Variants in HIVEP1 observed in about 807,000 individuals in gnomAD.
The protein encoded by HIVEP1 is zinc finger protein 40.
Under a neutral mutation model 180.0 loss-of-function variants are expected in HIVEP1, and 36 were observed. The ratio of observed to expected loss-of-function variants is 0.20; its 90% CI spans 0.15 to 0.26. The LOEUF (loss-of-function observed/expected upper bound fraction) is 0.26. HIVEP1 is among the 10% of genes least tolerant of loss of function. The pLI, the probability that HIVEP1 is intolerant of heterozygous loss-of-function variation, is 1.00. For synonymous variants in HIVEP1, 1,239 were observed against 1,239.0 expected, an observed-to-expected ratio of 1.00 and a Z score of 0.00; for missense variants, 3,143 against 3,268.7, an observed-to-expected ratio of 0.96 and a Z score of 0.94.
intron 2 of HIVEP1, among the ~76,000 whole-genome samples, chr6:12,041,309 T>C (rs1212639884): frequency 2.6e-5 from 4 of 151,090 alleles, no homozygotes; most frequent in Non-Finnish European, 4.4e-5. Context: ...GTAGTCCCAG[T>C]TACTTGGGAG....
chr6:12,073,795 G>T (rs1484615626), intron 2 of HIVEP1, among the ~76,000 whole-genome samples: 1 of 152,174 alleles, frequency 6.6e-6, no homozygotes, highest in Non-Finnish European at 1.5e-5. Flanking sequence ...TTGCCATCCA[G>T]ATTTTCATCA....
chr6:12,022,090 T>A (rs1262300417), intron 2 of HIVEP1, among the ~76,000 whole-genome samples: 1 of 152,254 alleles, frequency 6.6e-6, no homozygotes, highest in Non-Finnish European at 1.5e-5. Context: ...GATTAAAAAC[T>A]TGTGATAATT....
chr6:12,124,711 G>A lies in HIVEP1; in HGVS notation c.4916G>A (p.Arg1639His), dbSNP rs547385569. ...KVPSSFMLPIRLQSSVPAYCF... is the reference protein window; with the variant it reads ...KVPSSFMLPIHLQSSVPAYCF... The stretch of plus-strand genomic sequence containing the variant: ...CCATCATCATTCATGCTGCCCATAC[G>A]CCTGCAGAGTAGTGTTCCTGCTTAC... Residue 1639 changes from arginine (R) to histidine (H), a missense_variant, in exon 4 of 9, where the codon CGC (arginine) becomes CAC (histidine). This residue lies in a region of HIVEP1 where 1,357 missense variants were observed against 1,260.5 expected (regional missense o/e 1.08). Coordinates refer to ENST00000379388, the MANE Select transcript of HIVEP1 (RefSeq NM_002114.4). 20 of 1,614,104 alleles carry A rather than the reference G, an allele frequency of 1.2e-5. No homozygotes were observed. The highest frequency in any genetic ancestry group is 4.4e-5 in the South Asian group (4 of 91,078).
intron 7 of HIVEP1, among the ~76,000 whole-genome samples, chr6:12,152,125 C>G (rs893253509): frequency 6.6e-6 from 1 of 152,060 alleles, no homozygotes; most frequent in Admixed American, 6.6e-5. Context: ...CACTGCACTC[C>G]AGCCTGGGTG....
intron 7 of HIVEP1, among the ~76,000 whole-genome samples, chr6:12,136,718 C>T (rs1025970063): frequency 1.3e-5 from 2 of 151,976 alleles, no homozygotes; most frequent in East Asian, 1.9e-4. Flanking sequence ...TTTATTATTC[C>T]GAAAAGGTTA....
chr6:12,103,301 C>G (rs1774219737), intron 3 of HIVEP1, among the ~76,000 whole-genome samples: 1 of 152,112 alleles, frequency 6.6e-6, no homozygotes, highest in Non-Finnish European at 1.5e-5. Context: ...AAATAATTCT[C>G]ACAACCCCAT....
the HIVEP1 span, among the ~76,000 whole-genome samples, chr6:12,189,813 A>G: frequency 3.6e-4 from 55 of 152,330 alleles, 1 homozygote; most frequent in East Asian, 9.8e-3. Flanking sequence ...AAAAATGTGA[A>G]CAATGATATT....
upstream of HIVEP1, among the ~76,000 whole-genome samples, chr6:12,009,950 T>A (rs1767190673): frequency 6.6e-6 from 1 of 152,274 alleles, no homozygotes. Flanking sequence ...TGCTCAACAA[T>A]TATTGGGTTA....
chr6:12,043,916 T>G (rs1177960526), intron 2 of HIVEP1, among the ~76,000 whole-genome samples: 1 of 152,220 alleles, frequency 6.6e-6, no homozygotes, highest in Non-Finnish European at 1.5e-5. Context: ...GATAAAAGTT[T>G]CCACAGAGTT....
downstream of HIVEP1, among the ~76,000 whole-genome samples, chr6:12,165,800 GAGGT>G (rs1430020027): frequency 6.6e-6 from 1 of 152,214 alleles, no homozygotes; most frequent in Non-Finnish European, 1.5e-5. Flanking sequence ...TGCGAGGTGA[GAGGT>G]AGGGGACAGC....
chr6:12,055,704 G>A (rs1162874110), intron 2 of HIVEP1, among the ~76,000 whole-genome samples: 2 of 152,098 alleles, frequency 1.3e-5, no homozygotes, highest in Admixed American at 1.3e-4. Flanking sequence ...CAAATTTCAG[G>A]ATACAAATTG....
In HIVEP1 at chr6:12,135,871, G is replaced by T; in HGVS notation, c.6466G>T (p.Glu2156Ter). The part of the protein sequence containing the change: ...DLGVSVGLID[E>*]QDTEESDEKQ... ...AGGCGTCTCAGTAGGTTTAATAGAT[G>T]AACAGGATACAGAAGAATCAGGTAA... Residue 2156 changes from glutamate (E) to a stop codon, truncating the protein, a stop_gained, in exon 7 of 9, where the codon GAA becomes TAA. Transcript: ENST00000379388. LOFTEE classifies it high-confidence loss of function. 2.5e-6 allele frequency: 4 copies of T among 1,604,332 alleles called. No individual in the cohort carries two copies. The South Asian group carries it at 4.4e-5, about 18-fold the overall frequency.
In HIVEP1 at chr6:12,119,975, A is replaced by G; in HGVS notation, c.180A>G (p.Lys60=). Residue 60 remains lysine, a synonymous_variant, in exon 4 of 9, where the codon AAA becomes AAG. Coordinates refer to ENST00000379388, the MANE Select transcript of HIVEP1 (RefSeq NM_002114.4). ...AGATCGTAGCTGAGAATCACCTGAA[A>G]AAAATACCAAAATCCCCACTGAGAA... is the stretch of plus-strand genomic sequence containing the variant. The part of the protein sequence containing the change: ...RKKIVAENHL[K]KIPKSPLRNP... 6.2e-7 allele frequency: 1 copy of G among 1,611,684 alleles called. No individual in the cohort carries two copies. The highest frequency in any genetic ancestry group is 1.1e-5 in the South Asian group (1 of 90,352).
At chr6:12,154,899 G>T (rs868698409) in intron 7 of HIVEP1, among the ~76,000 whole-genome samples, 3 of 151,738 alleles carry the variant, frequency 2.0e-5, no homozygotes, top group South Asian at 2.1e-4. Flanking sequence ...CTCTTTCTTG[G>T]CTAGTGTTAC....
In HIVEP1 at chr6:12,161,786, C is replaced by G. The variant is rs765337445; in HGVS notation, c.6835C>G (p.Gln2279Glu). The change falls in exon 8 of 9, where the codon CAG becomes GAG. Residue 2279 changes from glutamine (Q) to glutamate (E), a missense_variant. This residue lies in a region of HIVEP1 where 595 missense variants were observed against 602.2 expected (regional missense o/e 0.99). Transcript: ENST00000379388. ...RKTLSPGKAR[Q>E]RAARDENDTI... Reference sequence around the variant, plus strand: ...GACACTCTCTCCGGGGAAGGCCAGGCAGCGTGCTGCGAGAGATGAAAACGA... The same window carrying G: ...GACACTCTCTCCGGGGAAGGCCAGGGAGCGTGCTGCGAGAGATGAAAACGA... 1.9e-6 allele frequency: 3 copies of G among 1,614,058 alleles called. No individual in the cohort carries two copies. In the South Asian group the frequency reaches 3.3e-5, roughly 18 times the overall value.
intron 1 of HIVEP1, among the ~76,000 whole-genome samples, chr6:12,014,281 A>T (rs1467381706): frequency 6.6e-6 from 1 of 152,184 alleles, no homozygotes; most frequent in African/African-American, 2.4e-5. Flanking sequence ...CTGAAAGTAG[A>T]TGTTATCAGC....
the HIVEP1 span, among the ~76,000 whole-genome samples, chr6:12,201,605 C>G: frequency 5.9e-5 from 9 of 152,346 alleles, no homozygotes; most frequent in South Asian, 1.5e-3. Flanking sequence ...TTTCGGCTTT[C>G]ACCAATGACT....
At chr6:12,078,638 C>T (rs868230736) in intron 2 of HIVEP1, among the ~76,000 whole-genome samples, 3,605 of 148,400 alleles carry the variant, frequency 0.024, 159 homozygotes, top group African/African-American at 0.081. Context: ...TATATATACA[C>T]ACACACACAC....
At position 12,120,087 on chromosome 6, in the gene HIVEP1, A is replaced by G; in HGVS notation, c.292A>G (p.Asn98Asp). ...HSASESHKKQNYIPVKNGKQF... is the reference protein window; with the variant it reads ...HSASESHKKQDYIPVKNGKQF... Reference sequence around the variant, plus strand: ...TGCTTCGGAGTCTCACAAGAAACAGAATTATATTCCTGTAAAAAATGGGAA... The same window carrying G: ...TGCTTCGGAGTCTCACAAGAAACAGGATTATATTCCTGTAAAAAATGGGAA... Residue 98 changes from asparagine to aspartate, a missense_variant, in exon 4 of 9, where the codon AAT becomes GAT. Physicochemically the swap from Asn to Asp is conservative, Grantham distance 23. Transcript: ENST00000379388. The G allele has an allele frequency of 3.1e-6, 5 of 1,613,120 alleles. No homozygotes were observed. Among genetic ancestry groups the G allele is most frequent in the Non-Finnish European group, 4.2e-6 (5 of 1,179,666 alleles).
Sources: allele counts gnomAD v4.1 joint callset (sites outside exome capture counted in the v4.1 genomes callset), GRCh38; gene constraint gnomAD v4.1.1; regional missense constraint gnomAD v4.1.1; transcripts MANE v1.5; gene names NCBI Gene and HGNC (gene_info 2026-07-23, HGNC 2026-07-21).